The following ATP6V0E1 variants were observed in gnomAD, a reference collection of about 807,000 sequenced individuals.
ATP6V0E1 encodes the protein ATPase H+ transporting V0 subunit e1.
ATP6V0E1 carries 4 observed loss-of-function variants against 11.6 expected under a neutral mutation model. The observed-to-expected ratio is 0.35, with a 90% CI of 0.17 to 0.79. The LOEUF is 0.79. ATP6V0E1 is among the 30% of genes least tolerant of loss of function. ATP6V0E1 has a pLI of 0.54. For synonymous variants in ATP6V0E1, 36 were observed against 34.8 expected, an observed-to-expected ratio of 1.04 and a Z score of -0.13; for missense variants, 105 against 100.0, an observed-to-expected ratio of 1.05 and a Z score of -0.21.
chr5:173,030,457 T>C (rs1478804659), intron 3 of ATP6V0E1, among the ~76,000 whole-genome samples: 1 of 150,982 alleles, frequency 6.6e-6, no homozygotes, highest in East Asian at 1.9e-4. Context: ...TTTTTTTTTT[T>C]TGAAACAGAG....
intron 2 of ATP6V0E1, among the ~76,000 whole-genome samples, chr5:173,009,758 C>G (rs1326082539): frequency 6.8e-6 from 1 of 146,522 alleles, no homozygotes; most frequent in Admixed American, 6.7e-5. Flanking sequence ...GCCACTGCGC[C>G]TGGCCTCTTT....
chr5:172,991,316 T>C (rs1482268368), intron 1 of ATP6V0E1, among the ~76,000 whole-genome samples: 1 of 152,166 alleles, frequency 6.6e-6, no homozygotes, highest in Non-Finnish European at 1.5e-5. Flanking sequence ...AGCATGCAGC[T>C]CCTAAGACCA....
At chr5:173,020,528 G>C (rs747709727) in intron 3 of ATP6V0E1, 161 bp downstream of exon 3, 9 of 584,178 alleles carry the variant, frequency 1.5e-5, no homozygotes, top group Non-Finnish European at 2.8e-5. Context: ...TTAAGCCTTA[G>C]CTTACCTAAA....
chr5:172,984,498 AGATT>A (rs1025211197), intron 1 of ATP6V0E1, among the ~76,000 whole-genome samples: 3 of 152,166 alleles, frequency 2.0e-5, no homozygotes, highest in Non-Finnish European at 2.9e-5. Context: ...ATCTAAAGCG[AGATT>A]AATTACCAAA....
chr5:173,000,798 T>C (rs1335517298), intron 2 of ATP6V0E1, among the ~76,000 whole-genome samples: 1 of 151,768 alleles, frequency 6.6e-6, no homozygotes, highest in Non-Finnish European at 1.5e-5. Flanking sequence ...CCTCCCAGGT[T>C]CAAGTGATTC....
intron 2 of ATP6V0E1, among the ~76,000 whole-genome samples, chr5:173,018,197 G>A (rs995995046): frequency 7.2e-5 from 11 of 152,134 alleles, no homozygotes; most frequent in African/African-American, 2.4e-4. Context: ...CACATAATTT[G>A]TATACGTATT....
chr5:172,985,881 TAAAC>T lies in ATP6V0E1; in HGVS notation c.104+1919_104+1922del, dbSNP rs376354644. On this transcript the variant is annotated intron_variant, in intron 1 of 3. Coordinates refer to ENST00000519374, the MANE Select transcript of ATP6V0E1 (RefSeq NM_003945.4). ...CTTTTGTGTGAACAAAGAGTTTACT[TAAAC>T]AGATGGTACAGCCTACTACACACCT... Among the ~76,000 whole-genome samples, 928 of 152,356 alleles carry T rather than the reference TAAAC, an allele frequency of 6.1e-3. 7 individuals carry two copies. Among genetic ancestry groups the T allele is most frequent in the South Asian group, 0.031 (150 of 4,832 alleles).
intron 3 of ATP6V0E1, among the ~76,000 whole-genome samples, chr5:173,021,406 C>CAAG (rs1406236250): frequency 2.0e-5 from 3 of 152,022 alleles, no homozygotes; most frequent in Non-Finnish European, 4.4e-5. Flanking sequence ...ATGGTAGCAG[C>CAAG]AAGAGAGAAT....
chr5:172,986,760 G>C (rs751796195), intron 1 of ATP6V0E1: 12 of 442,982 alleles, frequency 2.7e-5, no homozygotes, highest in Non-Finnish European at 4.0e-5. Context: ...GGGAAGATAA[G>C]GTTGGTTTTT....
chr5:172,998,190 C>A (rs1430346519), intron 2 of ATP6V0E1, among the ~76,000 whole-genome samples: 2 of 104,892 alleles, frequency 1.9e-5, no homozygotes, highest in South Asian at 3.2e-4. Flanking sequence ...AAAATTTAGT[C>A]TTTTTTTTTT....
At chr5:172,989,097 G>T (rs138397837) in intron 1 of ATP6V0E1, among the ~76,000 whole-genome samples, 1 of 152,166 alleles carries the variant, frequency 6.6e-6, no homozygotes, top group Non-Finnish European at 1.5e-5. Flanking sequence ...ACTTTGGGAG[G>T]CTGAGGTGGG....
intron 1 of ATP6V0E1, among the ~76,000 whole-genome samples, chr5:172,994,187 G>C (rs912971078): frequency 6.6e-6 from 1 of 152,146 alleles, no homozygotes; most frequent in African/African-American, 2.4e-5. Flanking sequence ...TGCAGAGAAG[G>C]CATGGACAAA....
At chr5:172,984,243 C>T (rs1300117413) in intron 1 of ATP6V0E1, among the ~76,000 whole-genome samples, 3 of 152,192 alleles carry the variant, frequency 2.0e-5, no homozygotes, top group Admixed American at 1.3e-4. Context: ...TGGGGAGGTG[C>T]AGTCGGAAAT....
chr5:173,034,330 T>C (rs1756708243), intron 3 of ATP6V0E1, 69 bp from the exon 4 acceptor site: 1 of 698,024 alleles, frequency 1.4e-6, no homozygotes, highest in Non-Finnish European at 2.6e-6. Context: ...GTTAACTTTC[T>C]CGATGTTAAC....
intron 3 of ATP6V0E1, among the ~76,000 whole-genome samples, chr5:173,023,618 G>A (rs1756515680): frequency 6.6e-6 from 1 of 152,236 alleles, no homozygotes; most frequent in Non-Finnish European, 1.5e-5. Context: ...GCTGAGGCAG[G>A]CAGATCACTT....
intron 3 of ATP6V0E1, among the ~76,000 whole-genome samples, chr5:173,027,293 C>CG: frequency 6.8e-6 from 1 of 147,642 alleles, no homozygotes; most frequent in East Asian, 2.0e-4. Flanking sequence ...CGAGACCATC[C>CG]TGGCTAACAC....
At chr5:173,007,503 C>T (rs1756246134) in intron 2 of ATP6V0E1, among the ~76,000 whole-genome samples, 1 of 152,182 alleles carries the variant, frequency 6.6e-6, no homozygotes, top group Non-Finnish European at 1.5e-5. Flanking sequence ...CATCCTATAG[C>T]AGTCTGGAGT....
At chr5:173,015,507 G>T (rs1156894293) in intron 2 of ATP6V0E1, among the ~76,000 whole-genome samples, 1 of 152,134 alleles carries the variant, frequency 6.6e-6, no homozygotes, top group East Asian at 1.9e-4. Flanking sequence ...TAGGGGAAGG[G>T]GGAGGGGCTG....
intron 3 of ATP6V0E1, among the ~76,000 whole-genome samples, chr5:173,032,247 T>TA (rs1756672089): frequency 6.8e-5 from 1 of 14,794 alleles, no homozygotes. Flanking sequence ...ACTTTTATTT[T>TA]ATTTTATTTA....
Sources: allele counts gnomAD v4.1 joint callset (sites outside exome capture counted in the v4.1 genomes callset), GRCh38; gene constraint gnomAD v4.1.1; transcripts MANE v1.5; gene names NCBI Gene and HGNC (gene_info 2026-07-23, HGNC 2026-07-21).